Variants in KBTBD12 observed in about 807,000 individuals in gnomAD.
KBTBD12 encodes the protein kelch repeat and BTB domain containing 12, also known as kelch repeat and BTB domain-containing protein 12.
In KBTBD12, 53 loss-of-function variants were observed where a neutral mutation model predicts 58.7. The ratio of observed to expected loss-of-function variants is 0.90; its 90% CI spans 0.72 to 1.14. The LOEUF (loss-of-function observed/expected upper bound fraction) is 1.14. Among genes scored for constraint, KBTBD12 ranks in the 50% most tolerant of loss-of-function variants. KBTBD12 has a pLI of 0.00. For synonymous variants in KBTBD12, 236 were observed against 259.8 expected, an observed-to-expected ratio of 0.91 and a Z score of 0.88; for missense variants, 704 against 751.3, an observed-to-expected ratio of 0.94 and a Z score of 0.74.
intron 1 of KBTBD12, among the ~76,000 whole-genome samples, chr3:127,917,921 C>A (rs1291767631): frequency 1.3e-5 from 2 of 152,148 alleles, no homozygotes; most frequent in Non-Finnish European, 2.9e-5. Flanking sequence ...GACAAGAATA[C>A]AGAAATGGCC....
rs112918232 is a variant in KBTBD12, at chr3:127,968,944, C to A, written c.1690+5558C>A. ...GAAATAGAAAGTAACTTCCTCAGCC[C>A]GATAAAGGGTATTTATGAAAAATCT... On this transcript the variant is annotated intron_variant, in intron 5 of 5. Coordinates refer to ENST00000405109, the MANE Select transcript of KBTBD12 (RefSeq NM_207335.4). Among the ~76,000 whole-genome samples, 860 of 152,176 alleles carry A rather than the reference C, an allele frequency of 5.7e-3. 7 individuals are homozygous for A. The highest frequency in any genetic ancestry group is 0.019 in the African/African-American group (777 of 41,530).
intron 1 of KBTBD12, among the ~76,000 whole-genome samples, chr3:127,918,138 C>T (rs570923939): frequency 1.3e-5 from 2 of 152,258 alleles, no homozygotes; most frequent in Admixed American, 6.5e-5. Context: ...CAGGGCAAGA[C>T]CCTGTCTCTA....
chr3:127,966,096 G>A (rs1281835000), intron 5 of KBTBD12, among the ~76,000 whole-genome samples: 2 of 152,194 alleles, frequency 1.3e-5, no homozygotes, highest in South Asian at 2.1e-4. Flanking sequence ...TTGAGGACAG[G>A]AGTTAAGGTC....
At chr3:127,974,856 G>A (rs1940751833) in intron 5 of KBTBD12, among the ~76,000 whole-genome samples, 1 of 152,146 alleles carries the variant, frequency 6.6e-6, no homozygotes, top group African/African-American at 2.4e-5. Flanking sequence ...GCGGGTGCCT[G>A]TAGTCTCAGC....
At chr3:127,943,427 T>C (rs778589235) in intron 4 of KBTBD12, among the ~76,000 whole-genome samples, 5 of 152,172 alleles carry the variant, frequency 3.3e-5, no homozygotes, top group African/African-American at 4.8e-5. Flanking sequence ...TGATTAGTGA[T>C]GTTGAGTGCT....
chr3:127,920,745 G>A (rs1275661714), intron 1 of KBTBD12, among the ~76,000 whole-genome samples: 1 of 151,738 alleles, frequency 6.6e-6, no homozygotes, highest in Non-Finnish European at 1.5e-5. Flanking sequence ...GAAATATAGT[G>A]GACAGGAGTA....
At position 127,963,241 on chromosome 3, in the gene KBTBD12, C is replaced by A; in HGVS notation, c.1545C>A (p.Asp515Glu). 6.2e-7 allele frequency: 1 copy of A among 1,612,782 alleles called. No homozygotes were observed. Among genetic ancestry groups the A allele is most frequent in the Non-Finnish European group, 8.5e-7 (1 of 1,179,522 alleles). ...QDKGQVRKCL[D>E]VVEIYNPDGD... is the part of the protein sequence containing the mutation. ...AGGGCCAGGTTCGAAAATGCCTTGACGTGGTGGAGATCTACAACCCAGATG... is the reference window on the plus strand; with the variant it reads ...AGGGCCAGGTTCGAAAATGCCTTGAAGTGGTGGAGATCTACAACCCAGATG... Residue 515 changes from aspartate to glutamate, a missense_variant, in exon 5 of 6, where the codon GAC (aspartate) becomes GAA (glutamate). Transcript: ENST00000405109.
chr3:127,975,039 G>C (rs1460523456), intron 5 of KBTBD12, among the ~76,000 whole-genome samples: 2 of 152,194 alleles, frequency 1.3e-5, no homozygotes, highest in African/African-American at 4.8e-5. Flanking sequence ...TTGAAACAAG[G>C]CTTTGAGTGC....
chr3:127,939,497 G>GAACT (rs1301390921), intron 4 of KBTBD12, among the ~76,000 whole-genome samples: 5 of 152,052 alleles, frequency 3.3e-5, no homozygotes, highest in Non-Finnish European at 7.4e-5. Flanking sequence ...AGGGTAAATG[G>GAACT]AACTATAAGG....
chr3:127,941,363 G>A lies in KBTBD12; in HGVS notation c.1492+11080G>A, dbSNP rs186979162. Among the ~76,000 whole-genome samples the A allele has an allele frequency of 2.4e-3, 372 of 152,252 alleles. 3 individuals carry two copies. Among genetic ancestry groups the A allele is most frequent in the Non-Finnish European group, 3.8e-3 (260 of 68,012 alleles). ...GTTTTTTCCTGAGAATGCAAGATTA[G>A]TTCAATATTCAGAAATCAATCAATA... On this transcript the variant is annotated intron_variant, in intron 4 of 5. Coordinates refer to ENST00000405109, the MANE Select transcript of KBTBD12 (RefSeq NM_207335.4).
chr3:127,932,455 T>C lies in KBTBD12; in HGVS notation c.1492+2172T>C, dbSNP rs527998395. Among the ~76,000 whole-genome samples, 272 of 152,294 alleles carry C rather than the reference T, an allele frequency of 1.8e-3. 3 individuals carry two copies. The highest frequency in any genetic ancestry group is 2.5e-3 in the Non-Finnish European group (168 of 68,004). ...AGCCCTGTCTGCTTTTAGGAATCTA[T>C]ATGTACCTCCACTGTGTTTTGGGTC... is the stretch of plus-strand genomic sequence containing the variant. On this transcript the variant is annotated intron_variant, in intron 4 of 5. Transcript: ENST00000405109.
intron 4 of KBTBD12, among the ~76,000 whole-genome samples, chr3:127,952,365 A>G (rs1405475409): frequency 6.6e-6 from 1 of 152,184 alleles, no homozygotes; most frequent in Non-Finnish European, 1.5e-5. Context: ...TGAGTAATGT[A>G]CTACTGTATT....
chr3:127,937,652 T>A (rs928602103), intron 4 of KBTBD12, among the ~76,000 whole-genome samples: 6 of 151,822 alleles, frequency 4.0e-5, no homozygotes. Context: ...GAAAAATGGG[T>A]GAGGATTTTC....
intron 4 of KBTBD12, among the ~76,000 whole-genome samples, chr3:127,954,231 G>A (rs1258625505): frequency 6.6e-6 from 1 of 152,080 alleles, no homozygotes; most frequent in Non-Finnish European, 1.5e-5. Flanking sequence ...GAAATTTTAG[G>A]TTAATATATC....
intron 4 of KBTBD12, among the ~76,000 whole-genome samples, chr3:127,951,107 G>A (rs9830149): frequency 0.056 from 8,570 of 152,224 alleles, 276 homozygotes; most frequent in East Asian, 0.097. Context: ...AGAAAGAGTA[G>A]GTTGAGTTAC....
intron 4 of KBTBD12, among the ~76,000 whole-genome samples, chr3:127,933,582 T>C (rs931403850): frequency 6.6e-6 from 1 of 151,946 alleles, no homozygotes; most frequent in Non-Finnish European, 1.5e-5. Context: ...CAGCCCAAGC[T>C]CTCCACACAT....
intron 4 of KBTBD12, among the ~76,000 whole-genome samples, chr3:127,942,018 T>C (rs773849259): frequency 1.3e-5 from 2 of 152,092 alleles, no homozygotes; most frequent in South Asian, 4.1e-4. Context: ...TAAAGAAAGA[T>C]AAAGTTGTGC....
intron 4 of KBTBD12, among the ~76,000 whole-genome samples, chr3:127,934,641 CAG>C (rs1458575988): frequency 6.6e-6 from 1 of 152,014 alleles, no homozygotes; most frequent in East Asian, 1.9e-4. Context: ...CTACTAAAGA[CAG>C]AAAATTCTTA....
At chr3:127,949,399 G>A (rs1344932339) in intron 4 of KBTBD12, among the ~76,000 whole-genome samples, 1 of 152,158 alleles carries the variant, frequency 6.6e-6, no homozygotes, top group South Asian at 2.1e-4. Flanking sequence ...GCCATGCTTT[G>A]GAATTCATAA....
Sources: gnomAD v4.1 joint callset for allele counts (sites outside exome capture counted in the v4.1 genomes callset) on GRCh38, gnomAD v4.1.1 for gene constraint, MANE v1.5 for transcripts, NCBI Gene and HGNC (gene_info 2026-07-23, HGNC 2026-07-21) for gene names.